DGKG: variants seen among roughly 807,000 people sequenced by gnomAD.
The protein encoded by DGKG is DAG kinase gamma.
A neutral mutation model predicts 105.3 loss-of-function variants in DGKG; 78 were observed. The ratio of observed to expected loss-of-function variants is 0.74; its 90% CI spans 0.62 to 0.89. DGKG has a LOEUF of 0.89. Ranked by LOEUF, DGKG falls within the 40% of genes least tolerant of loss-of-function variation. The probability of loss-of-function intolerance (pLI) is 0.00; values close to 1 mark genes in which losing one functional copy is unlikely to be tolerated. For missense variants in DGKG, 958 were observed against 1,020.1 expected, an observed-to-expected ratio of 0.94 and a Z score of 0.83; for synonymous variants, 346 against 367.1, an observed-to-expected ratio of 0.94 and a Z score of 0.66.
intron 19 of DGKG, among the ~76,000 whole-genome samples, chr3:186,248,413 AT>A (rs1413747511): frequency 6.6e-6 from 1 of 152,052 alleles, no homozygotes; most frequent in African/African-American, 2.4e-5. Flanking sequence ...TTCCCTCTCC[AT>A]TTATTTCAGT....
intron 20 of DGKG, among the ~76,000 whole-genome samples, chr3:186,240,199 C>G (rs1335751283): frequency 6.6e-6 from 1 of 152,160 alleles, no homozygotes; most frequent in Non-Finnish European, 1.5e-5. Context: ...TGTTGCCCTC[C>G]TCTTTTTCCG....
At position 186,253,116 on chromosome 3, in the gene DGKG, G is replaced by A; in HGVS notation, c.1577C>T (p.Ala526Val). Reference protein sequence around the residue: ...VLPLGTGNDLARCLRWGGGYE... With the variant: ...VLPLGTGNDLVRCLRWGGGYE... Reference sequence around the variant, plus strand: ...ACCTCCTCCCCAGCGGAGACAACGGGCAAGGTCATTTCCTGTTCCAAGAGG... The same window carrying A: ...ACCTCCTCCCCAGCGGAGACAACGGACAAGGTCATTTCCTGTTCCAAGAGG... The change falls in exon 18 of 25, where the codon GCC (alanine) becomes GTC (valine). Residue 526 changes from alanine (A) to valine (V), a missense_variant. Coordinates refer to ENST00000265022, the MANE Select transcript of DGKG (RefSeq NM_001346.3). 6.2e-7 allele frequency: 1 copy of A among 1,614,210 alleles called. No homozygotes were observed.
At chr3:186,312,110 G>A (rs1275588736) in intron 2 of DGKG, among the ~76,000 whole-genome samples, 2 of 81,732 alleles carry the variant, frequency 2.4e-5, no homozygotes, top group South Asian at 4.6e-4. Context: ...GCGACAGAGC[G>A]AGACTCCGTC....
At chr3:186,248,108 T>G (rs1019847533) in intron 19 of DGKG, among the ~76,000 whole-genome samples, 3 of 152,216 alleles carry the variant, frequency 2.0e-5, no homozygotes, top group Admixed American at 6.5e-5. Flanking sequence ...GCCTGGCTAT[T>G]TAGTTGAGGG....
chr3:186,246,776 G>A (rs891266876), intron 19 of DGKG, among the ~76,000 whole-genome samples: 1 of 152,168 alleles, frequency 6.6e-6, no homozygotes, highest in Non-Finnish European at 1.5e-5. Flanking sequence ...ATGGTGGGAA[G>A]CTTGTCTGGT....
chr3:186,233,625 G>A (rs1355978456), intron 20 of DGKG, among the ~76,000 whole-genome samples: 9 of 152,144 alleles, frequency 5.9e-5, no homozygotes, highest in Admixed American at 2.0e-4. Context: ...GACTACAGGC[G>A]CCCACCACCA....
At chr3:186,260,573 G>T in intron 15 of DGKG, 60 bp from the exon 16 acceptor site, 1 of 1,328,292 alleles carries the variant, frequency 7.5e-7, no homozygotes, top group Non-Finnish European at 1.1e-6. Flanking sequence ...ATGTCATCGT[G>T]AGAAGTCACA....
intron 1 of DGKG, among the ~76,000 whole-genome samples, chr3:186,360,278 C>G (rs1370190789): frequency 3.9e-5 from 6 of 152,134 alleles, no homozygotes; most frequent in Admixed American, 3.9e-4. Context: ...TTGATCTGAA[C>G]CAACCACTCC....
chr3:186,356,220 A>T lies in DGKG; in HGVS notation c.-249+5726T>A, dbSNP rs367697195. Among the ~76,000 whole-genome samples the T allele has an allele frequency of 3.6e-4, 55 of 152,326 alleles. 1 individual carries two copies. The South Asian group carries it at 0.011, about 31-fold the overall frequency. On this transcript the variant is annotated intron_variant, in intron 1 of 24. Coordinates refer to ENST00000265022, the MANE Select transcript of DGKG (RefSeq NM_001346.3). ...AATGCCTCAGAATCCCATAGTGTTCATTATTTTTATTGATGACTTAGATGA... is the reference window on the plus strand; with the variant it reads ...AATGCCTCAGAATCCCATAGTGTTCTTTATTTTTATTGATGACTTAGATGA...
At chr3:186,259,074 T>C (rs766645605) in intron 16 of DGKG, among the ~76,000 whole-genome samples, 5 of 152,136 alleles carry the variant, frequency 3.3e-5, no homozygotes, top group Non-Finnish European at 7.4e-5. Flanking sequence ...CAAATTAACA[T>C]TCCTTCTCTT....
At chr3:186,151,094 A>G (rs901475479) in intron 24 of DGKG, among the ~76,000 whole-genome samples, 8 of 152,252 alleles carry the variant, frequency 5.3e-5, no homozygotes, top group Admixed American at 5.2e-4. Context: ...TAGATGAATC[A>G]TTGACTCTTC....
chr3:186,348,836 T>C (rs1484558383), intron 1 of DGKG, among the ~76,000 whole-genome samples: 1 of 152,224 alleles, frequency 6.6e-6, no homozygotes, highest in East Asian at 1.9e-4. Context: ...TGACACTTGC[T>C]TATTTTTTCT....
intron 2 of DGKG, among the ~76,000 whole-genome samples, chr3:186,318,469 C>T (rs969171063): frequency 3.9e-5 from 6 of 152,158 alleles, no homozygotes; most frequent in Non-Finnish European, 8.8e-5. Context: ...TCGGTTCAAC[C>T]GTGCCCTAAA....
chr3:186,195,750 T>G (rs1324251098), intron 21 of DGKG, among the ~76,000 whole-genome samples: 2 of 152,216 alleles, frequency 1.3e-5, no homozygotes, highest in South Asian at 4.1e-4. Context: ...CAACTGCATC[T>G]CTGGGGTGTC....
intron 20 of DGKG, among the ~76,000 whole-genome samples, chr3:186,225,153 T>C (rs1443664433): frequency 6.6e-6 from 1 of 151,988 alleles, no homozygotes; most frequent in Non-Finnish European, 1.5e-5. Context: ...GGAGTGCAAG[T>C]GGTACGATTA....
rs188647148 is a variant in DGKG, at chr3:186,329,535, G to T, written c.-248-8828C>A. Among the ~76,000 whole-genome samples the T allele has an allele frequency of 2.6e-5, 4 of 152,290 alleles. No individual in the cohort carries two copies. The East Asian group carries it at 7.7e-4, about 29-fold the overall frequency. The stretch of plus-strand genomic sequence containing the variant: ...CCTAAAAACATTAATTCATGAATAT[G>T]ACATCAGATTGGAGAAGCCTATTTA... On this transcript the variant is annotated intron_variant, in intron 1 of 24. Transcript: ENST00000265022.
intron 24 of DGKG, chr3:186,158,334 T>G (rs1716132691): frequency 1.1e-6 from 1 of 943,530 alleles, no homozygotes; most frequent in Non-Finnish European, 1.3e-6. Context: ...TAGGCTATAT[T>G]CTATAATTTT....
At chr3:186,160,714 T>C in intron 24 of DGKG, 1 of 985,462 alleles carries the variant, frequency 1.0e-6, no homozygotes, top group Non-Finnish European at 1.2e-6. Flanking sequence ...GAAATTTGCA[T>C]AGCTGCAATC....
intron 20 of DGKG, among the ~76,000 whole-genome samples, chr3:186,232,705 AT>A (rs1322521327): frequency 6.6e-6 from 1 of 152,216 alleles, no homozygotes; most frequent in Non-Finnish European, 1.5e-5. Context: ...ATTTAATTAC[AT>A]GATAAATGTA....
Sources: allele counts gnomAD v4.1 joint callset (sites outside exome capture counted in the v4.1 genomes callset), GRCh38; gene constraint gnomAD v4.1.1; transcripts MANE v1.5; gene names NCBI Gene and HGNC (gene_info 2026-07-23, HGNC 2026-07-21).